Variants in KIAA1217 observed in about 807,000 individuals in gnomAD.
KIAA1217 encodes the protein sickle tail protein homolog.
Under a neutral mutation model 163.9 loss-of-function variants are expected in KIAA1217, and 88 were observed. That is an observed-to-expected ratio of 0.54 (90% CI 0.45 to 0.64). The LOEUF (loss-of-function observed/expected upper bound fraction) is 0.64, where lower values mean the gene tolerates loss of function less well. Among genes scored for constraint, KIAA1217 ranks in the 30% least tolerant of loss-of-function variants. KIAA1217 has a pLI of 0.00. For synonymous variants in KIAA1217, 903 were observed against 923.1 expected, an observed-to-expected ratio of 0.98 and a Z score of 0.39; for missense variants, 2,372 against 2,475.0, an observed-to-expected ratio of 0.96 and a Z score of 0.88.
intron 2 of KIAA1217, among the ~76,000 whole-genome samples, chr10:24,170,669 C>A (rs1265509480): frequency 6.6e-6 from 1 of 152,214 alleles, no homozygotes; most frequent in Non-Finnish European, 1.5e-5. Flanking sequence ...TCTCCACTAC[C>A]TCTGCTGCTT....
chr10:24,015,781 GGAAA>G (rs906212777), intron 2 of KIAA1217, among the ~76,000 whole-genome samples: 223 of 150,524 alleles, frequency 1.5e-3, no homozygotes, highest in African/African-American at 5.1e-3. Context: ...AAAGAAAAAA[GGAAA>G]GAAAGAAAGA....
intron 12 of KIAA1217, among the ~76,000 whole-genome samples, chr10:24,523,967 G>C (rs187363387): frequency 1.4e-4 from 21 of 152,166 alleles, no homozygotes; most frequent in African/African-American, 5.1e-4. Context: ...TTAGAATGTG[G>C]GCGGCCCACC....
chr10:24,069,248 T>C (rs1449860112), intron 2 of KIAA1217, among the ~76,000 whole-genome samples: 1 of 152,194 alleles, frequency 6.6e-6, no homozygotes, highest in Non-Finnish European at 1.5e-5. Flanking sequence ...GGTAGCACCG[T>C]AGAGGTTGTA....
chr10:24,391,943 C>T (rs2055044491), intron 3 of KIAA1217, among the ~76,000 whole-genome samples: 1 of 152,094 alleles, frequency 6.6e-6, no homozygotes, highest in Non-Finnish European at 1.5e-5. Flanking sequence ...AAAAATGAAC[C>T]CTCCATCAAG....
At chr10:24,157,328 C>A (rs1262816980) in intron 2 of KIAA1217, among the ~76,000 whole-genome samples, 1 of 152,094 alleles carries the variant, frequency 6.6e-6, no homozygotes, top group Non-Finnish European at 1.5e-5. Context: ...TTGCATACTT[C>A]TTTATTGGGT....
intron 1 of KIAA1217, among the ~76,000 whole-genome samples, chr10:23,807,559 C>A (rs552375696): frequency 6.6e-6 from 1 of 152,152 alleles, no homozygotes; most frequent in South Asian, 2.1e-4. Context: ...ATGGAGAGAT[C>A]GACTTTATTC....
chr10:24,149,896 T>A (rs1049687560), intron 2 of KIAA1217, among the ~76,000 whole-genome samples: 3 of 152,210 alleles, frequency 2.0e-5, no homozygotes, highest in Admixed American at 6.5e-5. Context: ...CAAGTTTTTT[T>A]AAAAAACAAA....
chr10:24,014,321 T>G (rs954461073), intron 2 of KIAA1217, among the ~76,000 whole-genome samples: 1 of 152,206 alleles, frequency 6.6e-6, no homozygotes, highest in Non-Finnish European at 1.5e-5. Context: ...GGAGAAACTA[T>G]GTGTTCTCAT....
At chr10:24,481,163 G>A (rs2064635692) in intron 6 of KIAA1217, 1 of 152,120 alleles carries the variant, frequency 6.6e-6, no homozygotes, top group Admixed American at 6.5e-5. Context: ...TGGACTGGAG[G>A]ATTTGCTGCA....
In KIAA1217 at chr10:24,472,019, A is replaced by ATATATAT. The variant is rs1254958321; in HGVS notation, c.847-1202_847-1196dup. ...TCGATTAACGCATAGCTTGAATGTT[A>ATATATAT]TATATATTATATACTGTATTCACAT... is the stretch of plus-strand genomic sequence containing the variant. On this transcript the variant is annotated intron_variant, in intron 5 of 20. Coordinates refer to ENST00000376454, the MANE Select transcript of KIAA1217 (RefSeq NM_019590.5). Among the ~76,000 whole-genome samples the ATATATAT allele has an allele frequency of 1.2e-4, 19 of 152,280 alleles. No homozygotes were observed. In the South Asian group the frequency reaches 2.7e-3, roughly 22 times the overall value.
At chr10:24,225,669 A>G (rs1590045724) in intron 2 of KIAA1217, among the ~76,000 whole-genome samples, 1 of 152,376 alleles carries the variant, frequency 6.6e-6, no homozygotes, top group East Asian at 1.9e-4. Context: ...AGGCATTCAC[A>G]TATAAAGAAT....
intron 1 of KIAA1217, among the ~76,000 whole-genome samples, chr10:24,209,946 A>G (rs1232353591): frequency 6.6e-6 from 1 of 152,138 alleles, no homozygotes; most frequent in African/African-American, 2.4e-5. Flanking sequence ...ATGTTGTTCC[A>G]AAGAAATTTC....
At chr10:24,433,849 C>A (rs545630438) in intron 4 of KIAA1217, among the ~76,000 whole-genome samples, 2 of 152,150 alleles carry the variant, frequency 1.3e-5, no homozygotes, top group South Asian at 4.2e-4. Flanking sequence ...TCTTCACTTT[C>A]CATTCATTTC....
intron 4 of KIAA1217, among the ~76,000 whole-genome samples, chr10:24,437,671 T>G (rs1195891590): frequency 6.6e-6 from 1 of 152,206 alleles, no homozygotes; most frequent in African/African-American, 2.4e-5. Flanking sequence ...TCCTGTCTTT[T>G]GCTACGTTAT....
intron 5 of KIAA1217, among the ~76,000 whole-genome samples, chr10:24,455,279 A>T (rs1474154348): frequency 6.6e-6 from 1 of 152,220 alleles, no homozygotes; most frequent in Non-Finnish European, 1.5e-5. Flanking sequence ...ATATGTACTC[A>T]TATACATAGA....
At chr10:24,212,706 A>G (rs2068294696) in intron 1 of KIAA1217, among the ~76,000 whole-genome samples, 1 of 152,196 alleles carries the variant, frequency 6.6e-6, no homozygotes. Context: ...AACATCACCC[A>G]TAACGTTCAT....
At chr10:24,211,532 G>GTTGTA (rs371671093) in intron 1 of KIAA1217, among the ~76,000 whole-genome samples, 1,127 of 78,992 alleles carry the variant, frequency 0.014, 7 homozygotes, top group South Asian at 0.04. Flanking sequence ...ACCATGCATG[G>GTTGTA]TTGTATTGTA....
intron 1 of KIAA1217, among the ~76,000 whole-genome samples, chr10:23,818,922 G>T (rs1837491325): frequency 6.6e-6 from 1 of 152,100 alleles, no homozygotes; most frequent in Admixed American, 6.5e-5. Flanking sequence ...AAAGATGTGA[G>T]CTCATAATGA....
At chr10:24,156,558 C>T (rs999762039) in intron 2 of KIAA1217, among the ~76,000 whole-genome samples, 3 of 152,126 alleles carry the variant, frequency 2.0e-5, no homozygotes, top group African/African-American at 7.2e-5. Flanking sequence ...CTAAAGGTAA[C>T]AAGACTCACC....
Sources: allele counts gnomAD v4.1 joint callset (sites outside exome capture counted in the v4.1 genomes callset), GRCh38; gene constraint gnomAD v4.1.1; transcripts MANE v1.5; gene names NCBI Gene and HGNC (gene_info 2026-07-23, HGNC 2026-07-21).